The following WWC2 variants were observed in gnomAD, a reference collection of about 807,000 sequenced individuals.
The protein encoded by WWC2 is protein WWC2.
WWC2 carries 101 observed loss-of-function variants against 138.5 expected under a neutral mutation model. The observed-to-expected ratio is 0.73, with a 90% CI of 0.62 to 0.86. WWC2 has a LOEUF of 0.86. Ranked by LOEUF, WWC2 falls within the 40% of genes least tolerant of loss-of-function variation. The pLI, the probability that WWC2 is intolerant of heterozygous loss-of-function variation, is 0.00. For missense variants in WWC2, 1,420 were observed against 1,419.4 expected, an observed-to-expected ratio of 1.00 and a Z score of -0.01; for synonymous variants, 558 against 538.4, an observed-to-expected ratio of 1.04 and a Z score of -0.50.
At chr4:183,114,168 C>T (rs192488448) in intron 1 of WWC2, among the ~76,000 whole-genome samples, 6 of 152,102 alleles carry the variant, frequency 3.9e-5, no homozygotes, top group East Asian at 3.9e-4. Flanking sequence ...TTTAAGTGTA[C>T]GGCACCACCT....
At chr4:183,126,896 T>C (rs1182266761) in intron 1 of WWC2, among the ~76,000 whole-genome samples, 1 of 86,524 alleles carries the variant, frequency 1.2e-5, no homozygotes, top group African/African-American at 4.4e-5. Flanking sequence ...GCCCAGCTAA[T>C]TTTTTTTTTT....
chr4:183,212,169 C>T (rs1234093842), intron 4 of WWC2, among the ~76,000 whole-genome samples: 1 of 152,102 alleles, frequency 6.6e-6, no homozygotes, highest in Non-Finnish European at 1.5e-5. Flanking sequence ...CCTCGAATGT[C>T]CTCAAATAGA....
rs767127781 is a variant in WWC2, at chr4:183,171,620, T to C, written c.132-21979T>C. Among the ~76,000 whole-genome samples, 65 of 147,820 alleles carry C rather than the reference T, an allele frequency of 4.4e-4. 1 individual carries two copies. Among genetic ancestry groups the C allele is most frequent in the Middle Eastern group, 3.6e-3 (1 of 278 alleles). On this transcript the variant is annotated intron_variant, in intron 1 of 22. Coordinates refer to ENST00000403733, the MANE Select transcript of WWC2 (RefSeq NM_024949.6). ...GGGAGATTTTAAAACTTTACGTTAA[T>C]CAAAGTTATATCTGTAAATGATTAA...
intron 1 of WWC2, among the ~76,000 whole-genome samples, chr4:183,190,039 A>G (rs1349864261): frequency 6.6e-6 from 1 of 152,222 alleles, no homozygotes; most frequent in Non-Finnish European, 1.5e-5. Flanking sequence ...AAAGTGCTGC[A>G]GTAAATTACC....
chr4:183,129,091 G>A (rs1732845393), intron 1 of WWC2, among the ~76,000 whole-genome samples: 1 of 152,206 alleles, frequency 6.6e-6, no homozygotes, highest in African/African-American at 2.4e-5. Context: ...CATATGATCA[G>A]AAGAATAAGT....
At chr4:183,249,201 G>A (rs1736896284) in intron 7 of WWC2, among the ~76,000 whole-genome samples, 1 of 151,996 alleles carries the variant, frequency 6.6e-6, no homozygotes, top group Non-Finnish European at 1.5e-5. Context: ...TAAACATTAG[G>A]CCAATGAGAA....
At chr4:183,111,468 A>G in intron 1 of WWC2, among the ~76,000 whole-genome samples, 1 of 152,188 alleles carries the variant, frequency 6.6e-6, no homozygotes, top group East Asian at 1.9e-4. Flanking sequence ...GGTTTTTAAT[A>G]GAGATACATT....
chr4:183,201,662 C>T (rs1735302592), intron 2 of WWC2, among the ~76,000 whole-genome samples: 2 of 152,196 alleles, frequency 1.3e-5, no homozygotes, highest in African/African-American at 4.8e-5. Context: ...AGATTATTCT[C>T]TAGGTTTTGA....
At position 183,284,338 on chromosome 4, in the gene WWC2, T is replaced by TA; in HGVS notation, c.2997dup (p.Val1000SerfsTer22). 1 of 1,613,906 alleles carries TA rather than the reference T, an allele frequency of 6.2e-7. No homozygotes were observed. The highest frequency in any genetic ancestry group is 8.5e-7 in the Non-Finnish European group (1 of 1,179,880). ...CATCCGTTTGTGAGGAGCAGTGTGA[T>TA]AGTGCGCTCACAGACCTTTTCTCCA... On this transcript the variant is annotated frameshift_variant, in exon 19 of 23. Coordinates refer to ENST00000403733, the MANE Select transcript of WWC2 (RefSeq NM_024949.6). LOFTEE classifies it high-confidence loss of function.
chr4:183,303,456 G>A (rs1738923576), intron 21 of WWC2, among the ~76,000 whole-genome samples: 1 of 152,160 alleles, frequency 6.6e-6, no homozygotes, highest in Non-Finnish European at 1.5e-5. Context: ...ACCTACAAGA[G>A]GGAGTCAGTG....
intron 2 of WWC2, among the ~76,000 whole-genome samples, chr4:183,194,670 A>T (rs1425515506): frequency 1.3e-5 from 2 of 152,062 alleles, no homozygotes; most frequent in African/African-American, 4.8e-5. Context: ...TAGGTAGATG[A>T]TGTATTTCTC....
At chr4:183,315,447 ACTTC>A (rs1739401939) in intron 22 of WWC2, among the ~76,000 whole-genome samples, 1 of 152,084 alleles carries the variant, frequency 6.6e-6, no homozygotes, top group Non-Finnish European at 1.5e-5. Flanking sequence ...TCTGTAGGTG[ACTTC>A]CGTGATCCAG....
intron 5 of WWC2, among the ~76,000 whole-genome samples, chr4:183,244,722 A>T (rs934315618): frequency 1.3e-5 from 2 of 151,678 alleles, no homozygotes; most frequent in Non-Finnish European, 2.9e-5. Flanking sequence ...TTTTGCACAG[A>T]CATTACAGCA....
intron 16 of WWC2, among the ~76,000 whole-genome samples, chr4:183,280,508 A>C (rs1303230036): frequency 6.6e-6 from 1 of 152,062 alleles, no homozygotes; most frequent in East Asian, 1.9e-4. Context: ...CTAAGGGAAA[A>C]GAGTGGCCAT....
intron 2 of WWC2, among the ~76,000 whole-genome samples, chr4:183,205,896 G>T (rs1735433560): frequency 1.3e-5 from 2 of 152,144 alleles, no homozygotes; most frequent in African/African-American, 4.8e-5. Context: ...GCCTGGCCTT[G>T]TGCATTTCCC....
chr4:183,109,561 C>CT (rs1383567651), intron 1 of WWC2, among the ~76,000 whole-genome samples: 1 of 152,166 alleles, frequency 6.6e-6, no homozygotes, highest in Non-Finnish European at 1.5e-5. Context: ...AGCGCACAGC[C>CT]TGGATCCCTC....
At chr4:183,128,436 G>C (rs1297917285) in intron 1 of WWC2, among the ~76,000 whole-genome samples, 1 of 152,048 alleles carries the variant, frequency 6.6e-6, no homozygotes, top group African/African-American at 2.4e-5. Context: ...GATTGCTTGA[G>C]CCCAGGAAGT....
intron 1 of WWC2, among the ~76,000 whole-genome samples, chr4:183,164,395 C>CAT (rs1554068568): frequency 7.8e-3 from 5 of 638 alleles, no homozygotes; most frequent in African/African-American, 0.022. Flanking sequence ...ATTATATATA[C>CAT]ATATATATTA....
Position 183,099,456 on chromosome 4 carries a change from C to T in WWC2, c.-36C>T, listed in dbSNP as rs1743085942. ...TCCCGCCGCGTCCCGCGCCCGGTAC[C>T]TATGGAGGCGCCGCTCGCCGGCGAG... On this transcript the variant is annotated 5_prime_UTR_variant, in exon 1 of 23. Transcript: ENST00000403733. The T allele has an allele frequency of 2.4e-6, 3 of 1,257,882 alleles. No homozygotes were observed. The highest frequency in any genetic ancestry group is 7.1e-5 in the East Asian group (2 of 28,274). 77.9% of individuals were successfully genotyped at this position (1,257,882 alleles called of 1,614,324 possible). A position where few individuals can be genotyped will look rare whatever the true frequency, so the allele number is the denominator to read the frequency against.
Sources: gnomAD v4.1 joint callset for allele counts (sites outside exome capture counted in the v4.1 genomes callset) on GRCh38, gnomAD v4.1.1 for gene constraint, MANE v1.5 for transcripts, NCBI Gene and HGNC (gene_info 2026-07-23, HGNC 2026-07-21) for gene names.